The following TAMM41 variants were observed in gnomAD, a reference collection of about 807,000 sequenced individuals.
The protein encoded by TAMM41 is TAM41 mitochondrial translocator assembly and maintenance homolog, also known as phosphatidate cytidylyltransferase, mitochondrial.
TAMM41 carries 36 observed loss-of-function variants against 44.1 expected under a neutral mutation model. The ratio of observed to expected loss-of-function variants is 0.82; its 90% CI spans 0.63 to 1.08. The LOEUF is 1.08. TAMM41 is among the 50% of genes least tolerant of loss of function. TAMM41 has a pLI of 0.00. For synonymous variants in TAMM41, 164 were observed against 153.1 expected (o/e 1.07, Z -0.53); for missense variants, 417 against 404.3 (o/e 1.03, Z -0.27).
Position 11,809,810 on chromosome 3 carries a change from A to G in TAMM41, c.709-128T>C, listed in dbSNP as rs1434567800. The G allele has an allele frequency of 4.9e-5, 43 of 884,734 alleles. 1 individual carries two copies. Among genetic ancestry groups the G allele is most frequent in the Non-Finnish European group, 1.7e-6 (1 of 590,010 alleles). 54.8% of individuals were successfully genotyped at this position (884,734 alleles called of 1,614,324 possible). A position where few individuals can be genotyped will look rare whatever the true frequency, so the allele number is the denominator to read the frequency against. ...CACCCACACCCCTGGCGAGGCAGCA[A>G]GCTAAGGAAACTCTCTTTTTCTGAA... is the stretch of plus-strand genomic sequence containing the variant. On this transcript the variant is annotated intron_variant, in intron 5 of 7. Transcript: ENST00000455809.
intron 3 of TAMM41, among the ~76,000 whole-genome samples, chr3:11,836,975 C>T (rs1469030543): frequency 2.6e-5 from 4 of 152,152 alleles, no homozygotes; most frequent in Non-Finnish European, 2.9e-5. Flanking sequence ...GTAAAAGTTA[C>T]AGTGAAGTGC....
intron 7 of TAMM41, among the ~76,000 whole-genome samples, chr3:11,796,997 T>C (rs1167097887): frequency 6.6e-6 from 1 of 152,088 alleles, no homozygotes; most frequent in Non-Finnish European, 1.5e-5. Context: ...AAATCAGAGA[T>C]GACACAAACA....
downstream of TAMM41, among the ~76,000 whole-genome samples, chr3:11,788,661 C>T (rs2077431189): frequency 6.6e-6 from 1 of 152,122 alleles, no homozygotes; most frequent in East Asian, 1.9e-4. Flanking sequence ...ATAGGCCAAG[C>T]ACAGTGGCTC....
rs148386613 is a variant in TAMM41, at chr3:11,810,023, C to T, written c.709-341G>A. The T allele has an allele frequency of 2.4e-3, 487 of 198,878 alleles. 7 individuals carry two copies. Among genetic ancestry groups the T allele is most frequent in the African/African-American group, 0.011 (477 of 42,368 alleles). The allele number at this position is 198,878 out of a possible 1,614,324, so 12.3% of individuals were successfully genotyped here. The stretch of plus-strand genomic sequence containing the variant: ...AGGAAGTGGTGCTGCAGTTGACACT[C>T]GTGGAGGCCGCGTCAAATCCAGGCA... On this transcript the variant is annotated intron_variant, in intron 5 of 7. Coordinates refer to ENST00000455809, the MANE Select transcript of TAMM41 (RefSeq NM_001284401.2).
rs769544220 is a variant in TAMM41 at position 11,790,488 on chromosome 3, T to C, written c.*17A>G. On this transcript the variant is annotated 3_prime_UTR_variant, in exon 8 of 8. Coordinates refer to ENST00000455809, the MANE Select transcript of TAMM41 (RefSeq NM_001284401.2). ...ACTTTATTCATCTACACATAACATA[T>C]ATAAAAGCAAGCAAAATCAGGATGT... 17 of 1,609,668 alleles carry C rather than the reference T, an allele frequency of 1.1e-5. No individual in the cohort carries two copies. The highest frequency in any genetic ancestry group is 3.3e-5 in the Admixed American group (2 of 59,918).
rs536237937 is a variant in TAMM41, at chr3:11,843,696, A to T, written c.318+333T>A. The T allele has an allele frequency of 2.3e-4, 46 of 204,216 alleles. 1 individual carries two copies. In the South Asian group the frequency reaches 3.8e-3, roughly 17 times the overall value. The allele number at this position is 204,216 out of a possible 1,614,324, so 12.7% of individuals were successfully genotyped here. On this transcript the variant is annotated intron_variant, in intron 2 of 7. Transcript: ENST00000455809. Reference sequence around the variant, plus strand: ...ACACCACTGCACTCCAGCCTGGGCAACAAGAGCAAAACTCCGTCTCAAAAA... The same window carrying T: ...ACACCACTGCACTCCAGCCTGGGCATCAAGAGCAAAACTCCGTCTCAAAAA...
intron 7 of TAMM41, among the ~76,000 whole-genome samples, chr3:11,793,083 A>AAGAG (rs1553566247): frequency 3.7e-4 from 49 of 132,654 alleles, no homozygotes; most frequent in African/African-American, 1.3e-3. Flanking sequence ...AAAAAAAAAA[A>AAGAG]AGAGAGTGAA....
chr3:11,764,694 G>A, the TAMM41 span, among the ~76,000 whole-genome samples: 4 of 151,550 alleles, frequency 2.6e-5, no homozygotes, highest in East Asian at 3.9e-4. Flanking sequence ...GGGTTTCACC[G>A]TGTTAGCCAG....
At chr3:11,749,809 C>G in the TAMM41 span, among the ~76,000 whole-genome samples, 1 of 152,114 alleles carries the variant, frequency 6.6e-6, no homozygotes, top group Non-Finnish European at 1.5e-5. Context: ...GTTAGTGAGA[C>G]CCACTGTGGC....
At chr3:11,740,521 G>A in the TAMM41 span, among the ~76,000 whole-genome samples, 8 of 152,206 alleles carry the variant, frequency 5.3e-5, no homozygotes, top group East Asian at 1.5e-3. Flanking sequence ...ATGCATATTT[G>A]TGCATGTGTG....
At chr3:11,785,988 G>C (rs544370285), downstream of TAMM41, among the ~76,000 whole-genome samples, 2 of 152,250 alleles carry the variant, frequency 1.3e-5, no homozygotes, top group South Asian at 2.1e-4. Flanking sequence ...GTTTTCAGAG[G>C]ACTTGTATAC....
the TAMM41 span, among the ~76,000 whole-genome samples, chr3:11,780,297 T>C: frequency 6.6e-6 from 1 of 152,234 alleles, no homozygotes; most frequent in Non-Finnish European, 1.5e-5. Flanking sequence ...GAACTAACTT[T>C]AGTTCCCTCA....
chr3:11,791,758 A>C (rs1433089280), intron 7 of TAMM41, among the ~76,000 whole-genome samples: 1 of 152,218 alleles, frequency 6.6e-6, no homozygotes, highest in Non-Finnish European at 1.5e-5. Context: ...GCAGGGGAGC[A>C]GTAAAATCAT....
chr3:11,841,208 G>A (rs2079425741), intron 2 of TAMM41, among the ~76,000 whole-genome samples: 1 of 150,606 alleles, frequency 6.6e-6, no homozygotes, highest in African/African-American at 2.5e-5. Flanking sequence ...TCAGTCTCCA[G>A]AGTAGCTGGA....
At chr3:11,775,907 G>GT in the TAMM41 span, among the ~76,000 whole-genome samples, 5 of 152,016 alleles carry the variant, frequency 3.3e-5, no homozygotes, top group African/African-American at 1.2e-4. Context: ...GAATTTCAGT[G>GT]TCCCCATGAA....
chr3:11,786,279 AT>A (rs1559259264), downstream of TAMM41, among the ~76,000 whole-genome samples: 16 of 111,530 alleles, frequency 1.4e-4, no homozygotes, highest in African/African-American at 5.2e-4. Context: ...TTATTTATTT[AT>A]TTAATTTTAT....
chr3:11,730,739 GA>G, the TAMM41 span, among the ~76,000 whole-genome samples: 2 of 151,832 alleles, frequency 1.3e-5, no homozygotes, highest in Admixed American at 6.6e-5. Context: ...ATCTCAAAAA[GA>G]AAAAGAAAAA....
intron 4 of TAMM41, among the ~76,000 whole-genome samples, chr3:11,818,330 C>T (rs998556292): frequency 3.9e-5 from 6 of 152,102 alleles, no homozygotes; most frequent in Admixed American, 1.3e-4. Flanking sequence ...AATCACACTA[C>T]GACAAGTATA....
chr3:11,731,182 G>A, the TAMM41 span, among the ~76,000 whole-genome samples: 1 of 152,146 alleles, frequency 6.6e-6, no homozygotes, highest in African/African-American at 2.4e-5. Context: ...TGTACAAAAT[G>A]ATTTTTGAAA....
Sources: allele counts gnomAD v4.1 joint callset (sites outside exome capture counted in the v4.1 genomes callset), GRCh38; gene constraint gnomAD v4.1.1; transcripts MANE v1.5; gene names NCBI Gene and HGNC (gene_info 2026-07-23, HGNC 2026-07-21).